Variants in AGBL3 observed in about 807,000 individuals in gnomAD.
AGBL3 encodes the protein AGBL carboxypeptidase 3, also known as cytosolic carboxypeptidase 3.
AGBL3 carries 68 observed loss-of-function variants against 94.5 expected under a neutral mutation model. That is an observed-to-expected ratio of 0.72 (90% confidence interval 0.59 to 0.88). The LOEUF (loss-of-function observed/expected upper bound fraction) is 0.88, where lower values mean the gene tolerates loss of function less well. AGBL3 is among the 40% of genes least tolerant of loss of function. The pLI is 0.00. For missense variants in AGBL3, 934 were observed against 1,103.8 expected (o/e 0.85, Z 2.18); for synonymous variants, 354 against 370.7 (o/e 0.95, Z 0.52).
chr7:134,995,501 C>T (rs967881333), intron 4 of AGBL3: 1 of 152,140 alleles, frequency 6.6e-6, no homozygotes, highest in Admixed American at 6.6e-5. Context: ...CTTGGTAATC[C>T]CCCACTGTTA....
At chr7:135,049,274 C>T (rs1584942485) in intron 11 of AGBL3, among the ~76,000 whole-genome samples, 2 of 151,864 alleles carry the variant, frequency 1.3e-5, no homozygotes, top group South Asian at 4.1e-4. Context: ...GGATAAATCC[C>T]ACTTAGTCAT....
At position 135,121,479 on chromosome 7, in the gene AGBL3, A is replaced by C. The variant is rs137975959; in HGVS notation, c.2342+5868A>C. ...AAATAAACCTCAACATATTTAAAAG[A>C]ATTTAAATCATAGAAAGTGTATATC... On this transcript the variant is annotated intron_variant, in intron 16 of 16. Coordinates refer to ENST00000436302, the MANE Select transcript of AGBL3 (RefSeq NM_178563.4). Among the ~76,000 whole-genome samples, 11 of 152,256 alleles carry C rather than the reference A, an allele frequency of 7.2e-5. No individual in the cohort carries two copies. The East Asian group carries it at 2.1e-3, about 29-fold the overall frequency.
At chr7:135,084,393 G>A (rs1162337581) in intron 15 of AGBL3, among the ~76,000 whole-genome samples, 1 of 152,040 alleles carries the variant, frequency 6.6e-6, no homozygotes, top group Non-Finnish European at 1.5e-5. Flanking sequence ...ACAATAAATT[G>A]TTAATTATAC....
At chr7:135,019,363 C>T (rs1814163123) in intron 5 of AGBL3, among the ~76,000 whole-genome samples, 1 of 151,970 alleles carries the variant, frequency 6.6e-6, no homozygotes, top group Non-Finnish European at 1.5e-5. Flanking sequence ...AGTCAATTAC[C>T]AATTGTTTTT....
At chr7:135,087,949 C>A (rs1367446801) in intron 15 of AGBL3, among the ~76,000 whole-genome samples, 1 of 152,030 alleles carries the variant, frequency 6.6e-6, no homozygotes, top group Non-Finnish European at 1.5e-5. Flanking sequence ...ATATCAAATT[C>A]TATCTCTCCC....
intron 12 of AGBL3, among the ~76,000 whole-genome samples, chr7:135,059,692 T>C (rs564216474): frequency 7.9e-5 from 12 of 152,190 alleles, no homozygotes; most frequent in African/African-American, 2.6e-4. Context: ...ATAAGTAAAA[T>C]ACATGATGTG....
intron 5 of AGBL3, among the ~76,000 whole-genome samples, chr7:135,026,074 T>C (rs1277715324): frequency 6.6e-6 from 1 of 151,254 alleles, no homozygotes; most frequent in Non-Finnish European, 1.5e-5. Flanking sequence ...CTGGACCTAA[T>C]AGAACACCCA....
intron 16 of AGBL3, among the ~76,000 whole-genome samples, chr7:135,121,940 G>C (rs1827193458): frequency 6.6e-6 from 1 of 152,248 alleles, no homozygotes; most frequent in Admixed American, 6.5e-5. Flanking sequence ...CACGCCACCA[G>C]GGCCTAGCGT....
Position 134,993,535 on chromosome 7 carries a change from TA to T in AGBL3, c.168del (p.Leu57TyrfsTer2). 1 of 1,551,618 alleles carries T rather than the reference TA, an allele frequency of 6.4e-7. No individual in the cohort carries two copies. The highest frequency in any genetic ancestry group is 8.7e-7 in the Non-Finnish European group (1 of 1,146,922). ...CCCTTCTTCCCCCGGACTACACAGA[TA>T]CTATTAGAATATCAGCTAGGGAGAT... Reference protein sequence around the residue: ...GDPFFPRTTQILLEYQLGRWV... With the variant: ...GDPFFPRTTQXLLEYQLGRWV... On this transcript the variant is annotated frameshift_variant, in exon 4 of 17. Coordinates refer to ENST00000436302, the MANE Select transcript of AGBL3 (RefSeq NM_178563.4). LOFTEE classifies it high-confidence loss of function.
chr7:135,046,994 T>C (rs1817429956), intron 11 of AGBL3, among the ~76,000 whole-genome samples: 1 of 152,074 alleles, frequency 6.6e-6, no homozygotes. Context: ...TACAATATTT[T>C]ATTATTTTTG....
intron 12 of AGBL3, among the ~76,000 whole-genome samples, chr7:135,075,444 C>T (rs1047180839): frequency 2.6e-5 from 4 of 152,060 alleles, no homozygotes; most frequent in East Asian, 1.9e-4. Flanking sequence ...TGCAGTATTC[C>T]GTGATATGGA....
At chr7:135,108,871 G>A (rs1563274514) in intron 15 of AGBL3, among the ~76,000 whole-genome samples, 1 of 152,096 alleles carries the variant, frequency 6.6e-6, no homozygotes, top group Non-Finnish European at 1.5e-5. Context: ...CAGAGGTTTT[G>A]TTCATTCCTT....
chr7:135,124,171 T>A (rs1358996356), intron 16 of AGBL3, among the ~76,000 whole-genome samples: 1 of 148,452 alleles, frequency 6.7e-6, no homozygotes, highest in Non-Finnish European at 1.5e-5. Flanking sequence ...AAGACACACA[T>A]AGGCTCAAAA....
rs1031732060 is a variant in AGBL3, at chr7:135,087,340, C to T, written c.2110+5550C>T. Among the ~76,000 whole-genome samples, 8 of 151,348 alleles carry T rather than the reference C, an allele frequency of 5.3e-5. 1 individual carries two copies. Among genetic ancestry groups the T allele is most frequent in the Admixed American group, 6.6e-5 (1 of 15,198 alleles). On this transcript the variant is annotated intron_variant, in intron 15 of 16. Transcript: ENST00000436302. ...TAATCTCAATTTCATATACTCTGTT[C>T]TGATCTTTATTATTTCTTTCCTTCT...
At chr7:135,123,082 T>C (rs1827369957) in intron 16 of AGBL3, among the ~76,000 whole-genome samples, 1 of 150,954 alleles carries the variant, frequency 6.6e-6, no homozygotes, top group African/African-American at 2.4e-5. Context: ...AGAAGATGAG[T>C]AATAAAAAAC....
At chr7:135,056,316 C>G (rs2116663234) in intron 11 of AGBL3, among the ~76,000 whole-genome samples, 1 of 151,824 alleles carries the variant, frequency 6.6e-6, no homozygotes, top group South Asian at 2.1e-4. Flanking sequence ...TTCTGATTTC[C>G]TAATGTGGAC....
intron 4 of AGBL3, among the ~76,000 whole-genome samples, chr7:135,003,988 T>A (rs918517767): frequency 2.0e-5 from 3 of 151,662 alleles, no homozygotes; most frequent in Non-Finnish European, 4.4e-5. Flanking sequence ...AAATATTTAA[T>A]AATGTTGCCT....
intron 4 of AGBL3, among the ~76,000 whole-genome samples, chr7:134,999,053 T>A (rs1200709422): frequency 1.3e-5 from 2 of 152,206 alleles, no homozygotes; most frequent in Non-Finnish European, 2.9e-5. Context: ...TTCAATTACC[T>A]TTTCCAATTC....
chr7:135,120,093 A>T (rs2117233334), intron 16 of AGBL3, among the ~76,000 whole-genome samples: 1 of 152,354 alleles, frequency 6.6e-6, no homozygotes, highest in East Asian at 1.9e-4. Context: ...AGAATTTTTC[A>T]CCAGAAGACT....
Sources: allele counts gnomAD v4.1 joint callset (sites outside exome capture counted in the v4.1 genomes callset), GRCh38; gene constraint gnomAD v4.1.1; transcripts MANE v1.5; gene names NCBI Gene and HGNC (gene_info 2026-07-23, HGNC 2026-07-21).